The following ZMAT4 variants were observed in gnomAD, a reference collection of about 807,000 sequenced individuals.
ZMAT4 encodes the protein zinc finger matrin-type protein 4.
Under a neutral mutation model 28.7 loss-of-function variants are expected in ZMAT4, and 17 were observed. The ratio of observed to expected loss-of-function variants is 0.59; its 90% CI spans 0.41 to 0.89. The LOEUF is 0.89. Among genes scored for constraint, ZMAT4 ranks in the 40% least tolerant of loss-of-function variants. ZMAT4 has a pLI of 0.00. For synonymous variants in ZMAT4, 117 were observed against 109.2 expected (o/e 1.07, Z -0.44); for missense variants, 240 against 283.8 (o/e 0.85, Z 1.11).
At chr8:40,549,214 C>G (rs550672272) in intron 6 of ZMAT4, among the ~76,000 whole-genome samples, 1 of 152,240 alleles carries the variant, frequency 6.6e-6, no homozygotes, top group Non-Finnish European at 1.5e-5. Flanking sequence ...GACTTCCCAG[C>G]CTCCAGAACC....
chr8:40,717,446 G>A (rs1810904236), intron 3 of ZMAT4, among the ~76,000 whole-genome samples: 1 of 152,134 alleles, frequency 6.6e-6, no homozygotes, highest in South Asian at 2.1e-4. Context: ...CTTGAGGCCA[G>A]GAGTTTGAGA....
chr8:40,799,075 C>A (rs1814714611), intron 2 of ZMAT4, among the ~76,000 whole-genome samples: 1 of 145,232 alleles, frequency 6.9e-6, no homozygotes, highest in African/African-American at 2.7e-5. Context: ...GGCTGGCTGG[C>A]TGGCTGGATG....
At chr8:40,762,403 C>T (rs1411558379) in intron 3 of ZMAT4, among the ~76,000 whole-genome samples, 1 of 151,978 alleles carries the variant, frequency 6.6e-6, no homozygotes, top group East Asian at 1.9e-4. Flanking sequence ...GCCTGTAATA[C>T]CAACACTTTG....
At chr8:40,534,360 G>A (rs1461232723) in intron 6 of ZMAT4, among the ~76,000 whole-genome samples, 5 of 152,086 alleles carry the variant, frequency 3.3e-5, no homozygotes, top group African/African-American at 7.2e-5. Flanking sequence ...TAATAAACAC[G>A]CAGCCATCCA....
At chr8:40,769,851 A>G (rs1813317603) in intron 2 of ZMAT4, among the ~76,000 whole-genome samples, 1 of 151,900 alleles carries the variant, frequency 6.6e-6, no homozygotes, top group Admixed American at 6.6e-5. Flanking sequence ...TAGTAAAGGC[A>G]GAGTTCACTG....
At chr8:40,895,102 C>T (rs1016760587) in intron 1 of ZMAT4, among the ~76,000 whole-genome samples, 5 of 152,072 alleles carry the variant, frequency 3.3e-5, no homozygotes, top group East Asian at 1.9e-4. Flanking sequence ...AGGTAACTCA[C>T]GCAGGGCTTG....
intron 5 of ZMAT4, among the ~76,000 whole-genome samples, chr8:40,607,600 ACCTT>A (rs1305705695): frequency 6.6e-6 from 1 of 151,818 alleles, no homozygotes; most frequent in Non-Finnish European, 1.5e-5. Context: ...ATGTTAAAGC[ACCTT>A]GTTTAGTCAT....
At chr8:40,740,250 C>T (rs2150533909) in intron 3 of ZMAT4, among the ~76,000 whole-genome samples, 1 of 152,298 alleles carries the variant, frequency 6.6e-6, no homozygotes, top group Admixed American at 6.5e-5. Context: ...AATTTACACT[C>T]CCACCAACAT....
intron 1 of ZMAT4, among the ~76,000 whole-genome samples, chr8:40,832,043 C>T (rs993567255): frequency 6.6e-6 from 1 of 152,146 alleles, no homozygotes; most frequent in Admixed American, 6.5e-5. Flanking sequence ...TCCTAAGGGG[C>T]GCTCAGTTTT....
At chr8:40,622,853 C>T (rs988490526) in intron 5 of ZMAT4, among the ~76,000 whole-genome samples, 2 of 152,128 alleles carry the variant, frequency 1.3e-5, no homozygotes, top group African/African-American at 4.8e-5. Flanking sequence ...ACCCCCATGA[C>T]CCAAACACCT....
intron 1 of ZMAT4, among the ~76,000 whole-genome samples, chr8:40,886,799 C>T (rs1222503566): frequency 5.9e-5 from 9 of 152,092 alleles, no homozygotes; most frequent in Non-Finnish European, 8.8e-5. Context: ...TCCCACATTC[C>T]GAAAATCCTC....
At chr8:40,880,705 G>A (rs886393845) in intron 1 of ZMAT4, among the ~76,000 whole-genome samples, 1 of 152,062 alleles carries the variant, frequency 6.6e-6, no homozygotes, top group Non-Finnish European at 1.5e-5. Flanking sequence ...CTTCAGAGCC[G>A]GGACTCCACG....
intron 6 of ZMAT4, among the ~76,000 whole-genome samples, chr8:40,570,003 A>G (rs901423568): frequency 6.6e-6 from 1 of 152,216 alleles, no homozygotes; most frequent in Non-Finnish European, 1.5e-5. Flanking sequence ...CACATTTCAA[A>G]TGAAGACAGT....
chr8:40,550,443 C>G (rs954109135), intron 6 of ZMAT4, among the ~76,000 whole-genome samples: 10 of 152,170 alleles, frequency 6.6e-5, no homozygotes, highest in South Asian at 2.1e-4. Flanking sequence ...CTCAGAGGAA[C>G]AGGTCACACA....
chr8:40,536,132 A>G (rs2118357537), intron 6 of ZMAT4, among the ~76,000 whole-genome samples: 1 of 152,344 alleles, frequency 6.6e-6, no homozygotes, highest in East Asian at 1.9e-4. Context: ...AAATGAAGTT[A>G]TATTTCCAAA....
chr8:40,603,009 C>T (rs545404412), intron 5 of ZMAT4, among the ~76,000 whole-genome samples: 7 of 152,128 alleles, frequency 4.6e-5, no homozygotes, highest in Non-Finnish European at 7.4e-5. Context: ...AAGAGTTTAT[C>T]TCATGTTATC....
intron 5 of ZMAT4, among the ~76,000 whole-genome samples, chr8:40,647,396 T>G (rs1199524173): frequency 6.6e-6 from 1 of 152,302 alleles, no homozygotes; most frequent in East Asian, 1.9e-4. Context: ...ACCACAAGAT[T>G]ATATCCCGCA....
At chr8:40,539,061 G>A (rs1802942295) in intron 6 of ZMAT4, among the ~76,000 whole-genome samples, 1 of 152,200 alleles carries the variant, frequency 6.6e-6, no homozygotes, top group African/African-American at 2.4e-5. Flanking sequence ...TGGGATTACA[G>A]GGATGAGCCA....
intron 5 of ZMAT4, among the ~76,000 whole-genome samples, chr8:40,589,425 G>C (rs750322036): frequency 6.6e-6 from 1 of 152,136 alleles, no homozygotes; most frequent in Non-Finnish European, 1.5e-5. Context: ...ATCTGGTCTG[G>C]TATTCTCATA....
Sources: gnomAD v4.1 joint callset for allele counts (sites outside exome capture counted in the v4.1 genomes callset) on GRCh38, gnomAD v4.1.1 for gene constraint, MANE v1.5 for transcripts, NCBI Gene and HGNC (gene_info 2026-07-23, HGNC 2026-07-21) for gene names.